GIPC2: variants seen among roughly 807,000 people sequenced by gnomAD.
GIPC2 encodes the protein PDZ domain-containing protein GIPC2.
A neutral mutation model predicts 30.6 loss-of-function variants in GIPC2; 30 were observed. The observed-to-expected ratio is 0.98, with a 90% CI of 0.73 to 1.33. The LOEUF (loss-of-function observed/expected upper bound fraction) is 1.33. GIPC2 is among the 40% of genes most tolerant of loss of function. The pLI is 0.00. For synonymous variants in GIPC2, 167 were observed against 150.0 expected (o/e 1.11, Z -0.83); for missense variants, 414 against 390.3 (o/e 1.06, Z -0.51).
chr1:78,051,781 C>T (rs1441986901), intron 1 of GIPC2, among the ~76,000 whole-genome samples: 1 of 152,198 alleles, frequency 6.6e-6, no homozygotes, highest in East Asian at 1.9e-4. Context: ...AGGCATGAGC[C>T]ACCGCACCTG....
intron 1 of GIPC2, among the ~76,000 whole-genome samples, chr1:78,056,431 T>C (rs1319454022): frequency 6.6e-6 from 1 of 152,062 alleles, no homozygotes. Flanking sequence ...TGAGCTGAGA[T>C]TGCACCAGTG....
chr1:78,048,931 T>G (rs1661146296), intron 1 of GIPC2, among the ~76,000 whole-genome samples: 1 of 152,226 alleles, frequency 6.6e-6, no homozygotes, highest in Admixed American at 6.5e-5. Flanking sequence ...TTACCATGTT[T>G]ATGCATATAA....
At chr1:78,069,414 A>G (rs1239169462) in intron 1 of GIPC2, among the ~76,000 whole-genome samples, 1 of 150,420 alleles carries the variant, frequency 6.6e-6, no homozygotes, top group Non-Finnish European at 1.5e-5. Context: ...TGGTCAGTGA[A>G]TTTGCCTTCA....
chr1:78,054,154 C>G (rs995640859), intron 1 of GIPC2, among the ~76,000 whole-genome samples: 2 of 152,128 alleles, frequency 1.3e-5, no homozygotes, highest in East Asian at 3.8e-4. Flanking sequence ...TTTTCTAGTC[C>G]TGTAATTTCC....
intron 2 of GIPC2, among the ~76,000 whole-genome samples, chr1:78,082,040 T>G (rs897846707): frequency 2.0e-5 from 3 of 152,186 alleles, no homozygotes; most frequent in Non-Finnish European, 2.9e-5. Context: ...TCTATTGCCA[T>G]GAACTTCATA....
At chr1:78,108,096 A>G (rs180874436) in intron 3 of GIPC2, among the ~76,000 whole-genome samples, 5 of 152,326 alleles carry the variant, frequency 3.3e-5, no homozygotes, top group Non-Finnish European at 7.3e-5. Context: ...ATAAAGGTGA[A>G]CAATAATTTT....
chr1:78,058,675 A>C (rs1371121951), intron 1 of GIPC2, among the ~76,000 whole-genome samples: 2 of 152,214 alleles, frequency 1.3e-5, no homozygotes, highest in African/African-American at 4.8e-5. Context: ...TTGTAAATTC[A>C]TGATACATAT....
chr1:78,096,334 G>T (rs981382857), intron 3 of GIPC2, among the ~76,000 whole-genome samples: 1 of 152,172 alleles, frequency 6.6e-6, no homozygotes, highest in African/African-American at 2.4e-5. Flanking sequence ...ATAGCATGGT[G>T]AAATAAATTG....
intron 3 of GIPC2, among the ~76,000 whole-genome samples, chr1:78,099,934 G>A (rs557466609): frequency 1.6e-4 from 25 of 152,272 alleles, no homozygotes; most frequent in African/African-American, 5.3e-4. Flanking sequence ...AGGTGGTGGC[G>A]TCACAGGAAA....
rs372019647 is a variant in GIPC2, at chr1:78,067,452, CT to C, written c.241-13219del. On this transcript the variant is annotated intron_variant, in intron 1 of 5. Coordinates refer to ENST00000370759, the MANE Select transcript of GIPC2 (RefSeq NM_017655.6). ...TTTTGCAAATTTTTCTTTTCTTTTT[CT>C]TTTCTTTCTTTTTTTTGAGATGGAA... is the stretch of plus-strand genomic sequence containing the variant. 7.9e-5 allele frequency among the ~76,000 whole-genome samples: 12 copies of C among 151,980 alleles called. No homozygotes were observed. The South Asian group carries it at 1.3e-3, about 16-fold the overall frequency.
chr1:78,124,736 T>G (rs1662750717), intron 4 of GIPC2, among the ~76,000 whole-genome samples: 1 of 152,236 alleles, frequency 6.6e-6, no homozygotes, highest in Non-Finnish European at 1.5e-5. Flanking sequence ...CTGGGCGTGA[T>G]GGCTCATGCC....
chr1:78,086,022 G>A (rs1571497626), intron 2 of GIPC2, among the ~76,000 whole-genome samples: 2 of 151,018 alleles, frequency 1.3e-5, no homozygotes, highest in Middle Eastern at 3.4e-3. Context: ...AGGTAGTTAA[G>A]GTTTGAGATC....
At chr1:78,131,334 G>A (rs1463271321) in intron 5 of GIPC2, among the ~76,000 whole-genome samples, 8 of 151,930 alleles carry the variant, frequency 5.3e-5, no homozygotes, top group South Asian at 2.1e-4. Flanking sequence ...TCAGCCTCCC[G>A]AGTAGCTGGG....
chr1:78,122,282 A>G (rs865811500), intron 4 of GIPC2, among the ~76,000 whole-genome samples: 5 of 152,250 alleles, frequency 3.3e-5, no homozygotes, highest in Non-Finnish European at 7.3e-5. Flanking sequence ...AATTTCAAAC[A>G]CTTTAAGAAT....
rs1191394321 is a variant in GIPC2, at chr1:78,095,110, A to G, written c.585A>G (p.Leu195=). Reference sequence around the variant, plus strand: ...AGGAGGAACTCTTTACTATGAAGTTAATAGAACCTAAGAAGGCATTTGGTA... The same window carrying G: ...AGGAGGAACTCTTTACTATGAAGTTGATAGAACCTAAGAAGGCATTTGGTA... The part of the protein sequence containing the change: ...LKKEELFTMK[L]IEPKKAFEIE... The change falls in exon 3 of 6, where the codon TTA becomes TTG. Residue 195 remains leucine, a synonymous_variant. Transcript: ENST00000370759. 1.2e-6 allele frequency: 2 copies of G among 1,612,494 alleles called. No individual in the cohort carries two copies. Among genetic ancestry groups the G allele is most frequent in the East Asian group, 4.5e-5 (2 of 44,872 alleles).
At chr1:78,130,079 A>G (rs1662862415) in intron 5 of GIPC2, among the ~76,000 whole-genome samples, 2 of 144,916 alleles carry the variant, frequency 1.4e-5, no homozygotes, top group South Asian at 2.2e-4. Context: ...TGAGAATTAC[A>G]TTTCTTCCTT....
At chr1:78,055,781 C>T (rs1490896755) in intron 1 of GIPC2, among the ~76,000 whole-genome samples, 1 of 152,160 alleles carries the variant, frequency 6.6e-6, no homozygotes, top group Non-Finnish European at 1.5e-5. Context: ...CCTACAGGGT[C>T]ATGTGGTACA....
chr1:78,088,541 G>A (rs1661976932), intron 2 of GIPC2, among the ~76,000 whole-genome samples: 1 of 152,180 alleles, frequency 6.6e-6, no homozygotes, highest in Admixed American at 6.5e-5. Context: ...ATAAGTGGGA[G>A]CTAAATGATG....
chr1:78,091,582 C>T, intron 2 of GIPC2: 1 of 759,794 alleles, frequency 1.3e-6, no homozygotes, highest in Non-Finnish European at 2.5e-6. Context: ...CGGCCAAGTC[C>T]TTCGCGATCT....
Sources: allele counts gnomAD v4.1 joint callset (sites outside exome capture counted in the v4.1 genomes callset), GRCh38; gene constraint gnomAD v4.1.1; transcripts MANE v1.5; gene names NCBI Gene and HGNC (gene_info 2026-07-23, HGNC 2026-07-21).